Variants in SUCO observed in about 807,000 individuals in gnomAD.
The protein encoded by SUCO is SUN domain-containing ossification factor.
A neutral mutation model predicts 148.1 loss-of-function variants in SUCO; 57 were observed. The observed-to-expected ratio is 0.38, with a 90% CI of 0.31 to 0.48. SUCO has a LOEUF of 0.48. Ranked by LOEUF, SUCO falls within the 20% of genes least tolerant of loss-of-function variation. The pLI is 0.96. For missense variants in SUCO, 1,331 were observed against 1,468.2 expected (o/e 0.91, Z 1.53); for synonymous variants, 470 against 502.7 (o/e 0.93, Z 0.87).
At chr1:172,602,361 T>C in intron 21 of SUCO, 143 bp downstream of exon 21, 3 of 1,417,094 alleles carry the variant, frequency 2.1e-6, no homozygotes, top group Non-Finnish European at 2.8e-6. Flanking sequence ...AAAAACATCA[T>C]TCGATAGTAA....
chr1:172,532,887 G>T (rs1164969659), upstream of SUCO: 1 of 1,472,272 alleles, frequency 6.8e-7, no homozygotes, highest in Non-Finnish European at 9.0e-7. Flanking sequence ...GACCTGGGGC[G>T]GGCGGAGCGG....
rs139832399 is a variant in SUCO, at chr1:172,602,769, C to G, written c.3247C>G (p.Gln1083Glu). 1.2e-6 allele frequency: 2 copies of G among 1,612,312 alleles called. No homozygotes were observed. Among genetic ancestry groups the G allele is most frequent in the African/African-American group, 1.3e-5 (1 of 74,878 alleles). The change falls in exon 22 of 24, where the codon CAG (glutamine) becomes GAG (glutamate). Residue 1083 changes from glutamine (Q) to glutamate (E), a missense_variant. Coordinates refer to ENST00000263688, the MANE Select transcript of SUCO (RefSeq NM_014283.5). Reference sequence around the variant, plus strand: ...CCCACTCATGAGATCCAAGTCTCTACAGTTAACTGGCAAAGAAGGTAGATT... The same window carrying G: ...CCCACTCATGAGATCCAAGTCTCTAGAGTTAACTGGCAAAGAAGGTAGATT... The part of the protein sequence containing the change: ...SFPLMRSKSL[Q>E]LTGKEVDPND...
chr1:172,577,690 A>G lies in SUCO; in HGVS notation c.1285-74A>G, dbSNP rs1571243847. 9.5e-6 allele frequency: 15 copies of G among 1,574,418 alleles called. No homozygotes were observed. The East Asian group carries it at 3.4e-4, about 35-fold the overall frequency. ...AAATGTTTAGAAATGTTATAATGAA[A>G]AAACTGAGTATATTGTTAGATAATC... On this transcript the variant is annotated intron_variant, in intron 12 of 23. Transcript: ENST00000263688.
chr1:172,556,686 A>G (rs1653783996), intron 4 of SUCO: 3 of 985,092 alleles, frequency 3.0e-6, no homozygotes, highest in Admixed American at 6.2e-5. Flanking sequence ...TATGGTTACC[A>G]TTTAGAAGCT....
intron 14 of SUCO, chr1:172,578,626 A>G (rs1009661045): frequency 1.1e-4 from 85 of 773,238 alleles, no homozygotes; most frequent in Non-Finnish European, 1.2e-4. Flanking sequence ...ACTCCCTTCT[A>G]TAACATTAAT....
At chr1:172,542,223 A>G (rs1034949997) in intron 1 of SUCO, among the ~76,000 whole-genome samples, 5 of 152,052 alleles carry the variant, frequency 3.3e-5, no homozygotes, top group Non-Finnish European at 7.4e-5. Context: ...CTACTAAAAA[A>G]AATAGAAAAT....
intron 23 of SUCO, chr1:172,609,377 A>G (rs1205875949): frequency 1.0e-6 from 1 of 975,952 alleles, no homozygotes; most frequent in Non-Finnish European, 1.2e-6. Flanking sequence ...CAAATAGCCT[A>G]AGATTCATTC....
At chr1:172,569,172 T>C (rs760843676) in intron 7 of SUCO, 30 bp downstream of exon 7, 1 of 1,483,240 alleles carries the variant, frequency 6.7e-7, no homozygotes, top group Middle Eastern at 2.0e-4. Flanking sequence ...CTTTAAATTT[T>C]TTTTTTAAGT....
rs771717369 is a variant in SUCO at position 172,575,643 on chromosome 1, G to A, written c.1263+20G>A. 11 of 1,485,060 alleles carry A rather than the reference G, an allele frequency of 7.4e-6. No homozygotes were observed. Among genetic ancestry groups the A allele is most frequent in the East Asian group, 2.3e-5 (1 of 44,134 alleles). The allele number at this position is 1,485,060 out of a possible 1,614,324, so 92.0% of individuals were successfully genotyped here. On this transcript the variant is annotated intron_variant, in intron 11 of 23. Coordinates refer to ENST00000263688, the MANE Select transcript of SUCO (RefSeq NM_014283.5). ...GTCAAGGTAATGTTTACACATACAG[G>A]ACTATGTTCTATAATGAAAATATAC...
At chr1:172,572,671 G>A (rs1655121861) in intron 9 of SUCO, among the ~76,000 whole-genome samples, 1 of 113,898 alleles carries the variant, frequency 8.8e-6, no homozygotes, top group South Asian at 3.0e-4. Context: ...ATCCCCCTCT[G>A]TGAGAAACAC....
chr1:172,599,175 A>G (rs1270969724), intron 19 of SUCO, among the ~76,000 whole-genome samples: 1 of 152,164 alleles, frequency 6.6e-6, no homozygotes, highest in Non-Finnish European at 1.5e-5. Flanking sequence ...TAAAAATACA[A>G]ATAATTAGCC....
chr1:172,572,931 TTTATA>T (rs1001360789), intron 9 of SUCO, among the ~76,000 whole-genome samples: 2 of 152,072 alleles, frequency 1.3e-5, no homozygotes, highest in African/African-American at 4.8e-5. Flanking sequence ...TATATGCAGT[TTTATA>T]TTATGCACAT....
intron 22 of SUCO, among the ~76,000 whole-genome samples, chr1:172,606,203 G>A (rs1299135932): frequency 6.6e-6 from 1 of 151,326 alleles, no homozygotes; most frequent in Non-Finnish European, 1.5e-5. Flanking sequence ...AATAAGATTG[G>A]CATGTAATAT....
At chr1:172,558,120 A>G (rs775129161) in intron 6 of SUCO, among the ~76,000 whole-genome samples, 7 of 152,236 alleles carry the variant, frequency 4.6e-5, no homozygotes, top group Non-Finnish European at 1.0e-4. Flanking sequence ...AGAAGAAGGT[A>G]TGACTAATTA....
Position 172,583,937 on chromosome 1 carries a change from C to A in SUCO, c.1499-1081C>A, listed in dbSNP as rs558252556. On this transcript the variant is annotated intron_variant, in intron 15 of 23. Coordinates refer to ENST00000263688, the MANE Select transcript of SUCO (RefSeq NM_014283.5). ...ATATTGAGGTTTGTACCACTTTTTT[C>A]ATGTAAATATCCTCCTTCAAAAGAG... Among the ~76,000 whole-genome samples the A allele has an allele frequency of 2.0e-5, 3 of 152,226 alleles. No individual in the cohort carries two copies. In the East Asian group the frequency reaches 5.8e-4, roughly 29 times the overall value.
intron 1 of SUCO, among the ~76,000 whole-genome samples, chr1:172,538,796 G>C (rs530858162): frequency 3.3e-5 from 5 of 152,200 alleles, no homozygotes; most frequent in African/African-American, 9.6e-5. Context: ...AAAGCACCTG[G>C]TATTTTTATT....
intron 19 of SUCO, 75 bp from the exon 20 acceptor site, chr1:172,599,989 G>T (rs2149269040): frequency 1.0e-6 from 1 of 1,000,308 alleles, no homozygotes; most frequent in Non-Finnish European, 1.4e-6. Context: ...GTTTTTTTTA[G>T]ATTATTTGAC....
chr1:172,589,582 A>G lies in SUCO; in HGVS notation c.2481A>G (p.Pro827=), dbSNP rs1374876031. Residue 827 remains proline (P), a synonymous_variant, in exon 18 of 24, where the codon CCA becomes CCG. Transcript: ENST00000263688. ...AGCTGTCTGAAACAATAGTGCCACCAATAAATACAGCCACTGTACCCGACA... is the reference window on the plus strand; with the variant it reads ...AGCTGTCTGAAACAATAGTGCCACCGATAAATACAGCCACTGTACCCGACA... The part of the protein sequence containing the change: ...FTKLSETIVP[P]INTATVPDNE... 6.2e-7 allele frequency: 1 copy of G among 1,613,834 alleles called. No individual in the cohort carries two copies. The highest frequency in any genetic ancestry group is 1.1e-5 in the South Asian group (1 of 91,056).
At chr1:172,598,490 T>C (rs1006714084) in intron 19 of SUCO, among the ~76,000 whole-genome samples, 1 of 152,232 alleles carries the variant, frequency 6.6e-6, no homozygotes, top group African/African-American at 2.4e-5. Flanking sequence ...TGAATCTTGA[T>C]TGAGATTGTG....
Sources: gnomAD v4.1 joint callset for allele counts (sites outside exome capture counted in the v4.1 genomes callset) on GRCh38, gnomAD v4.1.1 for gene constraint, MANE v1.5 for transcripts, NCBI Gene and HGNC (gene_info 2026-07-23, HGNC 2026-07-21) for gene names.